Variants in LRIG1 observed in about 807,000 individuals in gnomAD.
LRIG1 encodes the protein leucine rich repeats and immunoglobulin like domains 1.
Under a neutral mutation model 99.2 loss-of-function variants are expected in LRIG1, and 48 were observed. That is an observed-to-expected ratio of 0.48 (90% CI 0.38 to 0.62). The LOEUF (loss-of-function observed/expected upper bound fraction) is 0.62, where lower values mean the gene tolerates loss of function less well. LRIG1 is among the 20% of genes least tolerant of loss of function. The pLI, the probability that LRIG1 is intolerant of heterozygous loss-of-function variation, is 0.00. For missense variants in LRIG1, 1,646 were observed against 1,434.4 expected (o/e 1.15, Z -2.38); for synonymous variants, 772 against 596.1 (o/e 1.29, Z -4.30).
In LRIG1 at chr3:66,380,847, C is replaced by T. The variant is rs1204807687; in HGVS notation, c.2785G>A (p.Val929Ile). ...TCGGTGTTGCAGTCACTGCATACGA[C>T]CCGGCCACCGTGTTCTGAAGGACAG... ...GPHKMEHGGR[V>I]VCSDCNTEVD... Residue 929 changes from valine (V) to isoleucine (I), a missense_variant, in exon 18 of 19, where the codon GTC (valine) becomes ATC (isoleucine). Physicochemically the swap from Val to Ile is conservative, Grantham distance 29. Coordinates refer to ENST00000273261, the MANE Select transcript of LRIG1 (RefSeq NM_015541.3). 1.9e-6 allele frequency: 3 copies of T among 1,613,870 alleles called. No individual in the cohort carries two copies. Among genetic ancestry groups the T allele is most frequent in the Non-Finnish European group, 2.5e-6 (3 of 1,179,878 alleles).
intron 5 of LRIG1, among the ~76,000 whole-genome samples, 158 bp downstream of exon 5, chr3:66,414,762 G>A (rs76493745): frequency 6.6e-6 from 1 of 152,134 alleles, no homozygotes; most frequent in African/African-American, 2.4e-5. Flanking sequence ...ACCCAGCTCC[G>A]AATTTGCTTT....
In LRIG1 at chr3:66,440,684, G is replaced by A. The variant is rs936707817; in HGVS notation, c.365+10875C>T. On this transcript the variant is annotated intron_variant, in intron 3 of 18. Coordinates refer to ENST00000273261, the MANE Select transcript of LRIG1 (RefSeq NM_015541.3). ...TTGCCCACAACCCCAAAGGTGCTCA[G>A]TACAAAGCTGTCAGAGATAGCAAGA... 7.2e-5 allele frequency among the ~76,000 whole-genome samples: 11 copies of A among 152,188 alleles called. 1 individual carries two copies. Among genetic ancestry groups the A allele is most frequent in the Admixed American group, 7.2e-4 (11 of 15,282 alleles).
chr3:66,408,964 T>TGTGGGGGGG (rs1575668634), intron 7 of LRIG1, among the ~76,000 whole-genome samples: 2 of 17,310 alleles, frequency 1.2e-4, no homozygotes, highest in Non-Finnish European at 2.1e-4. Flanking sequence ...GTGTGTGTGG[T>TGTGGGGGGG]GGGGGGAGGG....
chr3:66,389,789 A>G (rs1701545276), intron 12 of LRIG1, among the ~76,000 whole-genome samples: 1 of 152,154 alleles, frequency 6.6e-6, no homozygotes, highest in African/African-American at 2.4e-5. Context: ...GAAGACTTCA[A>G]CAACACTATG....
Position 66,398,261 on chromosome 3 carries a change from C to T in LRIG1, c.1233-78G>A, listed in dbSNP as rs995637904. ...GGTTTTCAGGACAGTCCTGGTTTCA[C>T]AGATGACCCACAGGGACTAGCCAGA... On this transcript the variant is annotated intron_variant, in intron 10 of 18. Transcript: ENST00000273261. The T allele has an allele frequency of 2.5e-5, 28 of 1,122,478 alleles. No individual in the cohort carries two copies. The African/African-American group carries it at 4.0e-4, about 16-fold the overall frequency. The allele number at this position is 1,122,478 out of a possible 1,614,324, so 69.5% of individuals were successfully genotyped here. A position where few individuals can be genotyped will look rare whatever the true frequency, so the allele number is the denominator to read the frequency against.
intron 1 of LRIG1, 146 bp from the exon 2 acceptor site, chr3:66,462,655 G>A: frequency 1.6e-6 from 1 of 639,304 alleles, no homozygotes; most frequent in Non-Finnish European, 2.8e-6. Context: ...TATTGATACT[G>A]AGATTTACAG....
rs546447368 is a variant in LRIG1 at position 66,408,750 on chromosome 3, C to CCATCCAGCACCA, written c.936-1271_936-1260dup. The stretch of plus-strand genomic sequence containing the variant: ...GCTTGACTACAGAGCCTGAAAGGAG[C>CCATCCAGCACCA]CATCCAGCACCACATGGAATGCACA... On this transcript the variant is annotated intron_variant, in intron 7 of 18. Transcript: ENST00000273261. Among the ~76,000 whole-genome samples, 82 of 152,236 alleles carry CCATCCAGCACCA rather than the reference C, an allele frequency of 5.4e-4. 1 individual carries two copies. In the South Asian group the frequency reaches 0.016, roughly 30 times the overall value.
chr3:66,433,573 A>G (rs1703248820), intron 3 of LRIG1, among the ~76,000 whole-genome samples: 2 of 152,198 alleles, frequency 1.3e-5, no homozygotes, highest in Non-Finnish European at 2.9e-5. Context: ...ATGTGCCTTT[A>G]AAAATAAAAC....
rs560600717 is a variant in LRIG1, at chr3:66,378,907, T to C, written c.*1356A>G. ...CTGTACCAAAATTTCTATAAATAAA[T>C]AACTTTGTACATAAAAGTAATACTC... On this transcript the variant is annotated 3_prime_UTR_variant, in exon 19 of 19. Transcript: ENST00000273261. The C allele has an allele frequency of 6.5e-6, 1 of 152,766 alleles. No individual in the cohort carries two copies. The highest frequency in any genetic ancestry group is 2.1e-4 in the South Asian group (1 of 4,830). The allele number at this position is 152,766 out of a possible 1,614,324, so 9.5% of individuals were successfully genotyped here. A position where few individuals can be genotyped will look rare whatever the true frequency, so the allele number is the denominator to read the frequency against.
At chr3:66,481,143 A>G (rs1256334679) in intron 1 of LRIG1, among the ~76,000 whole-genome samples, 7 of 152,356 alleles carry the variant, frequency 4.6e-5, no homozygotes, top group African/African-American at 1.7e-4. Flanking sequence ...ATTTCAGACC[A>G]CACCTCAGCA....
chr3:66,403,777 G>A (rs547667533), intron 9 of LRIG1, among the ~76,000 whole-genome samples: 2 of 152,250 alleles, frequency 1.3e-5, no homozygotes, highest in East Asian at 1.9e-4. Flanking sequence ...GGACTGACAC[G>A]CCCCACGAGG....
chr3:66,452,783 T>C (rs13325263), intron 2 of LRIG1, among the ~76,000 whole-genome samples: 7,411 of 152,176 alleles, frequency 0.049, 524 homozygotes, highest in African/African-American at 0.16. Flanking sequence ...AATTATCCCA[T>C]TTGCTTTCTT....
intron 2 of LRIG1, among the ~76,000 whole-genome samples, chr3:66,459,057 T>C (rs924503334): frequency 2.6e-5 from 4 of 151,848 alleles, no homozygotes; most frequent in Non-Finnish European, 4.4e-5. Context: ...ACAGAGTTGA[T>C]GTTAGGGTTA....
Position 66,471,387 on chromosome 3 carries a change from C to T in LRIG1, c.219-8878G>A, listed in dbSNP as rs572603371. On this transcript the variant is annotated intron_variant, in intron 1 of 18. Coordinates refer to ENST00000273261, the MANE Select transcript of LRIG1 (RefSeq NM_015541.3). ...CTGCACAATAGCCCCCCTATCCTCA[C>T]CCCATCCAGTAACAGAGCTGAATCT... Among the ~76,000 whole-genome samples the T allele has an allele frequency of 3.2e-4, 49 of 152,348 alleles. No individual in the cohort carries two copies. The East Asian group carries it at 8.3e-3, about 26-fold the overall frequency.
At chr3:66,398,332 A>G (rs1210565481) in intron 10 of LRIG1, 149 bp from the exon 11 acceptor site, 1 of 627,044 alleles carries the variant, frequency 1.6e-6, no homozygotes, top group East Asian at 2.8e-5. Context: ...CCAAATCGCA[A>G]CACAAGCCCA....
rs1230447816 is a variant in LRIG1 at position 66,384,007 on chromosome 3, G to A, written c.2055C>T (p.Ala685=). The A allele has an allele frequency of 1.2e-6, 2 of 1,613,406 alleles. No individual in the cohort carries two copies. The highest frequency in any genetic ancestry group is 1.7e-5 in the Admixed American group (1 of 59,994). The change falls in exon 14 of 19, where the codon GCC becomes GCT. Residue 685 remains alanine, a synonymous_variant. Transcript: ENST00000273261. ...TAGGCAAACCTAGGACAGTCAGGGT[G>A]GCATTAGCTGAAATAGAACCGGCTG... ...QNSAGSISAN[A]TLTVLETPSL...
At chr3:66,473,003 A>G (rs1231789699) in intron 1 of LRIG1, among the ~76,000 whole-genome samples, 1 of 152,214 alleles carries the variant, frequency 6.6e-6, no homozygotes, top group African/African-American at 2.4e-5. Flanking sequence ...TTAAAAAAAA[A>G]GCAAACTCAG....
At chr3:66,401,702 G>C (rs1038207336) in intron 9 of LRIG1, 2 of 1,509,320 alleles carry the variant, frequency 1.3e-6, no homozygotes. Flanking sequence ...AGAAAGGAGA[G>C]GCGGGATTAT....
chr3:66,384,840 CAGAGTGGGA>C (rs1453032509), intron 13 of LRIG1, among the ~76,000 whole-genome samples: 3 of 152,176 alleles, frequency 2.0e-5, no homozygotes, highest in African/African-American at 7.2e-5. Context: ...GATGTCCTGA[CAGAGTGGGA>C]CGCATCCAGC....
Sources: gnomAD v4.1 joint callset for allele counts (sites outside exome capture counted in the v4.1 genomes callset) on GRCh38, gnomAD v4.1.1 for gene constraint, MANE v1.5 for transcripts, NCBI Gene and HGNC (gene_info 2026-07-23, HGNC 2026-07-21) for gene names.